Variants in CTNNA2 observed in about 807,000 individuals in gnomAD.
The protein encoded by CTNNA2 is catenin alpha 2.
CTNNA2 carries 42 observed loss-of-function variants against 101.0 expected under a neutral mutation model. The ratio of observed to expected loss-of-function variants is 0.42; its 90% CI spans 0.32 to 0.54. The LOEUF (loss-of-function observed/expected upper bound fraction) is 0.54, where lower values mean the gene tolerates loss of function less well. Among genes scored for constraint, CTNNA2 ranks in the 20% least tolerant of loss-of-function variants. CTNNA2 has a pLI of 0.14. For missense variants in CTNNA2, 871 were observed against 1,223.1 expected, an observed-to-expected ratio of 0.71 and a Z score of 4.29; for synonymous variants, 450 against 456.4, an observed-to-expected ratio of 0.99 and a Z score of 0.18.
chr2:80,340,255 T>C (rs113675177), intron 7 of CTNNA2, among the ~76,000 whole-genome samples: 105 of 152,172 alleles, frequency 6.9e-4, no homozygotes, highest in Non-Finnish European at 1.2e-3. Flanking sequence ...GGTTCTACAA[T>C]GGCATCTCTT....
chr2:79,270,129 A>G (rs1347800985), intron 2 of CTNNA2, among the ~76,000 whole-genome samples: 2 of 152,084 alleles, frequency 1.3e-5, no homozygotes, highest in African/African-American at 2.4e-5. Flanking sequence ...GGCTCAGCCC[A>G]GGAAATCTTG....
chr2:80,633,886 C>A (rs1379499933), intron 18 of CTNNA2, among the ~76,000 whole-genome samples: 1 of 152,086 alleles, frequency 6.6e-6, no homozygotes, highest in African/African-American at 2.4e-5. Context: ...TGCTTACATG[C>A]AAGGTACAGT....
At chr2:80,551,658 T>C (rs945141103) in intron 11 of CTNNA2, among the ~76,000 whole-genome samples, 2 of 152,194 alleles carry the variant, frequency 1.3e-5, no homozygotes, top group African/African-American at 2.4e-5. Flanking sequence ...TCAGCCTTCA[T>C]AGAATTAAAG....
rs56987036 is a variant in CTNNA2 at position 80,619,022 on chromosome 2, C to CTTTT, written c.2431-53_2431-50dup. 57 of 889,206 alleles carry CTTTT rather than the reference C, an allele frequency of 6.4e-5. No homozygotes were observed. In the Middle Eastern group the frequency reaches 1.2e-3, roughly 19 times the overall value. 55.1% of individuals were successfully genotyped at this position (889,206 alleles called of 1,614,324 possible). A position where few individuals can be genotyped will look rare whatever the true frequency, so the allele number is the denominator to read the frequency against. On this transcript the variant is annotated intron_variant, in intron 17 of 18. Transcript: ENST00000402739. ...CCCTAATCCCTTCCCAAGTAGGGTA[C>CTTTT]TTTTTTTTTTTTTCTTTTGCTCTCT... is the stretch of plus-strand genomic sequence containing the variant.
chr2:80,225,702 GGAT>G (rs1163027256), intron 7 of CTNNA2, among the ~76,000 whole-genome samples: 1 of 152,108 alleles, frequency 6.6e-6, no homozygotes, highest in Admixed American at 6.5e-5. Flanking sequence ...CATAAATGTA[GGAT>G]GATGATTTTT....
In CTNNA2 at chr2:80,319,268, G is replaced by T. The variant is rs554112606; in HGVS notation, c.1057-73943G>T. On this transcript the variant is annotated intron_variant, in intron 7 of 18. Coordinates refer to ENST00000402739, the MANE Select transcript of CTNNA2 (RefSeq NM_001282597.3). ...TATTTGAAGGATGTCTACCAATTTG[G>T]AATATAATTACCTAGCAAGGGCTGA... is the stretch of plus-strand genomic sequence containing the variant. Among the ~76,000 whole-genome samples the T allele has an allele frequency of 2.5e-4, 38 of 152,176 alleles. No homozygotes were observed. In the South Asian group the frequency reaches 4.8e-3, roughly 19 times the overall value.
rs1160078909 is a variant in CTNNA2 at position 80,625,745 on chromosome 2, G to C, written c.2574+6517G>C. ...CCAAAAAGTCCCAATAATTGATTTT[G>C]AAGTCTATCAGTCATTCATACTTTC... On this transcript the variant is annotated intron_variant, in intron 18 of 18. Transcript: ENST00000402739. Among the ~76,000 whole-genome samples, 3 of 152,056 alleles carry C rather than the reference G, an allele frequency of 2.0e-5. No homozygotes were observed. The South Asian group carries it at 6.2e-4, about 32-fold the overall frequency.
chr2:80,111,402 C>T (rs1701200584), intron 7 of CTNNA2, among the ~76,000 whole-genome samples: 1 of 152,222 alleles, frequency 6.6e-6, no homozygotes, highest in Non-Finnish European at 1.5e-5. Context: ...GCAGGAAACT[C>T]ACATTCCAAT....
At chr2:79,533,179 C>A (rs1201903281) in intron 1 of CTNNA2, among the ~76,000 whole-genome samples, 1 of 151,968 alleles carries the variant, frequency 6.6e-6, no homozygotes, top group East Asian at 1.9e-4. Flanking sequence ...TTTATCTGTT[C>A]CCCATTTTTG....
At chr2:80,432,454 G>T (rs1020228992) in intron 9 of CTNNA2, among the ~76,000 whole-genome samples, 3 of 152,140 alleles carry the variant, frequency 2.0e-5, no homozygotes, top group Non-Finnish European at 2.9e-5. Flanking sequence ...CCAGATTGCT[G>T]CCTTTGGCTG....
intron 4 of CTNNA2, among the ~76,000 whole-genome samples, chr2:79,423,959 C>T (rs1315247497): frequency 6.6e-6 from 1 of 152,060 alleles, no homozygotes; most frequent in Non-Finnish European, 1.5e-5. Context: ...AAAAAACCCA[C>T]AAAAAATCAA....
chr2:79,824,311 G>A (rs1678246098), intron 3 of CTNNA2, among the ~76,000 whole-genome samples: 1 of 152,042 alleles, frequency 6.6e-6, no homozygotes, highest in African/African-American at 2.4e-5. Flanking sequence ...TGGTTATCAT[G>A]CCTGAAGCAT....
At chr2:80,086,284 G>T (rs1188350924) in intron 7 of CTNNA2, among the ~76,000 whole-genome samples, 2 of 152,060 alleles carry the variant, frequency 1.3e-5, no homozygotes, top group African/African-American at 4.8e-5. Flanking sequence ...GGCAGTTAAA[G>T]TTCCTTCCTT....
At chr2:80,047,478 AG>A (rs1056087071) in intron 7 of CTNNA2, among the ~76,000 whole-genome samples, 41 of 152,274 alleles carry the variant, frequency 2.7e-4, no homozygotes, top group Middle Eastern at 3.4e-3. Context: ...ATGATTCCTT[AG>A]GGGGTTAGGG....
chr2:80,596,598 C>T (rs150959462), intron 15 of CTNNA2, among the ~76,000 whole-genome samples: 1,876 of 151,964 alleles, frequency 0.012, 36 homozygotes, highest in African/African-American at 0.042. Context: ...AGGCCTGAGC[C>T]ACCGCACCAG....
chr2:79,694,694 ACT>A lies in CTNNA2; in HGVS notation c.102+43041_102+43042del, dbSNP rs945338279. On this transcript the variant is annotated intron_variant, in intron 2 of 18. Coordinates refer to ENST00000402739, the MANE Select transcript of CTNNA2 (RefSeq NM_001282597.3). Reference sequence around the variant, plus strand: ...ATGTTAGTGAGGACTTTTTGGAAAGACTCTCTGTTTTTCTGCTGTGTCAGTTA... The same window carrying A: ...ATGTTAGTGAGGACTTTTTGGAAAGACTCTGTTTTTCTGCTGTGTCAGTTA... Among the ~76,000 whole-genome samples, 41 of 151,448 alleles carry A rather than the reference ACT, an allele frequency of 2.7e-4. 1 individual carries two copies. The highest frequency in any genetic ancestry group is 5.8e-4 in the African/African-American group (24 of 41,314).
At chr2:80,118,072 T>C (rs1164520713) in intron 7 of CTNNA2, among the ~76,000 whole-genome samples, 2 of 152,196 alleles carry the variant, frequency 1.3e-5, no homozygotes, top group Admixed American at 1.3e-4. Flanking sequence ...GGCTCCTCCC[T>C]CTCTCTCAAC....
At chr2:79,279,658 C>G (rs1413996986) in intron 2 of CTNNA2, among the ~76,000 whole-genome samples, 1 of 152,024 alleles carries the variant, frequency 6.6e-6, no homozygotes, top group Non-Finnish European at 1.5e-5. Flanking sequence ...TCTGTCTAAA[C>G]AAAATGACTG....
Position 79,939,518 on chromosome 2 carries a change from C to A in CTNNA2, c.1056+29721C>A, listed in dbSNP as rs80265796. 8.2e-3 allele frequency among the ~76,000 whole-genome samples: 1,242 copies of A among 152,150 alleles called. 21 individuals are homozygous for A. Among genetic ancestry groups the A allele is most frequent in the African/African-American group, 0.029 (1,184 of 41,496 alleles). ...CTTTTGTTAAAAAAGCTATAGAAATCTTTTGTTACTTTCTCTCCCAAAATG... is the reference window on the plus strand; with the variant it reads ...CTTTTGTTAAAAAAGCTATAGAAATATTTTGTTACTTTCTCTCCCAAAATG... On this transcript the variant is annotated intron_variant, in intron 7 of 18. Coordinates refer to ENST00000402739, the MANE Select transcript of CTNNA2 (RefSeq NM_001282597.3).
Sources: allele counts gnomAD v4.1 joint callset (sites outside exome capture counted in the v4.1 genomes callset), GRCh38; gene constraint gnomAD v4.1.1; transcripts MANE v1.5; gene names NCBI Gene and HGNC (gene_info 2026-07-23, HGNC 2026-07-21).